Variants in AKAP6 observed in about 807,000 individuals in gnomAD.
The protein encoded by AKAP6 is A-kinase anchor protein 6.
Under a neutral mutation model 188.5 loss-of-function variants are expected in AKAP6, and 58 were observed. That is an observed-to-expected ratio of 0.31 (90% CI 0.25 to 0.38). The LOEUF (loss-of-function observed/expected upper bound fraction) is 0.38. Ranked by LOEUF, AKAP6 falls within the 10% of genes least tolerant of loss-of-function variation. The pLI, the probability that AKAP6 is intolerant of heterozygous loss-of-function variation, is 1.00. For synonymous variants in AKAP6, 989 were observed against 998.6 expected, an observed-to-expected ratio of 0.99 and a Z score of 0.18; for missense variants, 2,710 against 2,740.0, an observed-to-expected ratio of 0.99 and a Z score of 0.24.
chr14:32,590,712 C>G (rs931690916), intron 5 of AKAP6, among the ~76,000 whole-genome samples: 1 of 152,126 alleles, frequency 6.6e-6, no homozygotes. Flanking sequence ...ATATTTTCTT[C>G]TGTTTTCAGG....
At position 32,493,493 on chromosome 14, in the gene AKAP6, G is replaced by A. The variant is rs117603159; in HGVS notation, c.325-42061G>A. On this transcript the variant is annotated intron_variant, in intron 2 of 13. Transcript: ENST00000280979. The stretch of plus-strand genomic sequence containing the variant: ...CCCAAAGTGCTTGGATTACAGGTGT[G>A]AGCTACCGCACCCGGCCTAAGGCAC... Among the ~76,000 whole-genome samples the A allele has an allele frequency of 3.3e-3, 506 of 152,270 alleles. 3 individuals are homozygous for A. Among genetic ancestry groups the A allele is most frequent in the Non-Finnish European group, 5.3e-3 (360 of 68,014 alleles).
At chr14:32,475,417 T>C (rs1041225716) in intron 2 of AKAP6, among the ~76,000 whole-genome samples, 1 of 152,168 alleles carries the variant, frequency 6.6e-6, no homozygotes, top group Non-Finnish European at 1.5e-5. Flanking sequence ...TCCTTTTTAG[T>C]GAATGTTAGT....
chr14:32,562,190 G>T (rs2139210803), intron 4 of AKAP6, among the ~76,000 whole-genome samples: 1 of 152,206 alleles, frequency 6.6e-6, no homozygotes, highest in South Asian at 2.1e-4. Context: ...AATAAAGGAA[G>T]TTGTATTTTC....
intron 1 of AKAP6, among the ~76,000 whole-genome samples, chr14:32,406,270 T>C (rs1387542991): frequency 6.6e-6 from 1 of 152,178 alleles, no homozygotes; most frequent in Non-Finnish European, 1.5e-5. Context: ...AGTGCAGTGG[T>C]GTGATCTTGG....
chr14:32,550,644 G>A (rs1291964663), intron 4 of AKAP6, among the ~76,000 whole-genome samples: 2 of 152,184 alleles, frequency 1.3e-5, no homozygotes, highest in Non-Finnish European at 2.9e-5. Context: ...TCTAGCTTTG[G>A]TCTCCTCCTT....
At chr14:32,334,304 T>C (rs1886622402) in intron 1 of AKAP6, among the ~76,000 whole-genome samples, 1 of 152,208 alleles carries the variant, frequency 6.6e-6, no homozygotes, top group African/African-American at 2.4e-5. Flanking sequence ...CAGTGAAATC[T>C]CTCACCATTA....
chr14:32,356,734 C>G (rs1887497361), intron 1 of AKAP6, among the ~76,000 whole-genome samples: 1 of 152,004 alleles, frequency 6.6e-6, no homozygotes, highest in Non-Finnish European at 1.5e-5. Context: ...TCTGCTTGCA[C>G]TACTTGCTTT....
intron 11 of AKAP6, among the ~76,000 whole-genome samples, chr14:32,772,453 A>C (rs2032928469): frequency 6.6e-6 from 1 of 152,210 alleles, no homozygotes; most frequent in Admixed American, 6.5e-5. Flanking sequence ...ACCTTATTTA[A>C]AATTCAGAAA....
intron 4 of AKAP6, among the ~76,000 whole-genome samples, chr14:32,555,570 C>G (rs1000892396): frequency 2.0e-5 from 3 of 152,140 alleles, no homozygotes; most frequent in Non-Finnish European, 2.9e-5. Flanking sequence ...AAACCTGAAA[C>G]TCTATACCCA....
intron 2 of AKAP6, among the ~76,000 whole-genome samples, chr14:32,502,275 G>A (rs975152165): frequency 4.6e-5 from 7 of 152,148 alleles, no homozygotes; most frequent in African/African-American, 1.4e-4. Flanking sequence ...TTTAGATGGA[G>A]AAATGAGATA....
intron 1 of AKAP6, among the ~76,000 whole-genome samples, chr14:32,343,540 A>G (rs1487918977): frequency 6.6e-6 from 1 of 151,836 alleles, no homozygotes; most frequent in Non-Finnish European, 1.5e-5. Flanking sequence ...CGAGGTCAGG[A>G]GATCGAGACC....
At chr14:32,559,437 A>G (rs1338068264) in intron 4 of AKAP6, among the ~76,000 whole-genome samples, 1 of 152,224 alleles carries the variant, frequency 6.6e-6, no homozygotes, top group Non-Finnish European at 1.5e-5. Flanking sequence ...GTTGGATCTG[A>G]ACAATTTTTA....
chr14:32,726,947 G>T (rs2030903586), intron 9 of AKAP6, among the ~76,000 whole-genome samples: 1 of 152,128 alleles, frequency 6.6e-6, no homozygotes, highest in African/African-American at 2.4e-5. Context: ...GGACTGCTGG[G>T]AATATGACTG....
At chr14:32,457,653 A>T (rs138919279) in intron 2 of AKAP6, among the ~76,000 whole-genome samples, 2 of 152,324 alleles carry the variant, frequency 1.3e-5, no homozygotes, top group African/African-American at 4.8e-5. Context: ...GCTGGCGCTG[A>T]CATCCTGATA....
At chr14:32,361,160 T>G (rs1351762307) in intron 1 of AKAP6, among the ~76,000 whole-genome samples, 1 of 151,480 alleles carries the variant, frequency 6.6e-6, no homozygotes, top group Non-Finnish European at 1.5e-5. Flanking sequence ...ATAAATGGCA[T>G]AGGATGAGGG....
At chr14:32,434,096 C>T (rs1890306259) in intron 2 of AKAP6, 2 of 352,738 alleles carry the variant, frequency 5.7e-6, no homozygotes, top group Non-Finnish European at 1.0e-5. Context: ...AAATAAGTTA[C>T]ACAGAATAAA....
At chr14:32,537,988 T>G (rs79827503) in intron 3 of AKAP6, among the ~76,000 whole-genome samples, 11,711 of 152,234 alleles carry the variant, frequency 0.077, 606 homozygotes, top group African/African-American at 0.14. Flanking sequence ...TGCATTCTTA[T>G]GTTTGAAGTC....
At chr14:32,349,598 G>A (rs552037470) in intron 1 of AKAP6, among the ~76,000 whole-genome samples, 21 of 152,230 alleles carry the variant, frequency 1.4e-4, no homozygotes, top group African/African-American at 5.1e-4. Context: ...TTACAAATGT[G>A]CATAAAAATA....
At chr14:32,582,263 T>C (rs1373785104) in intron 5 of AKAP6, among the ~76,000 whole-genome samples, 1 of 152,162 alleles carries the variant, frequency 6.6e-6, no homozygotes, top group Non-Finnish European at 1.5e-5. Context: ...AAGCTTAGTT[T>C]GGATGGATAT....
Sources: allele counts gnomAD v4.1 joint callset (sites outside exome capture counted in the v4.1 genomes callset), GRCh38; gene constraint gnomAD v4.1.1; transcripts MANE v1.5; gene names NCBI Gene and HGNC (gene_info 2026-07-23, HGNC 2026-07-21).